The following NR2C2 variants were observed in gnomAD, a reference collection of about 807,000 sequenced individuals.
NR2C2 encodes nuclear receptor subfamily 2 group C member 2, also known as Nuclear hormone receptor TR4.
A neutral mutation model predicts 62.9 loss-of-function variants in NR2C2; 6 were observed. That is an observed-to-expected ratio of 0.10 (90% CI 0.05 to 0.19). The LOEUF is 0.19. NR2C2 is among the 10% of genes least tolerant of loss of function. The pLI is 1.00. For synonymous variants in NR2C2, 272 were observed against 273.8 expected, an observed-to-expected ratio of 0.99 and a Z score of 0.07; for missense variants, 479 against 762.7, an observed-to-expected ratio of 0.63 and a Z score of 4.38.
chr3:15,019,982 G>C (rs185378358), intron 4 of NR2C2, among the ~76,000 whole-genome samples: 2 of 152,160 alleles, frequency 1.3e-5, no homozygotes, highest in African/African-American at 4.8e-5. Context: ...ATTATACAAC[G>C]TGGATATATT....
chr3:15,017,621 G>A (rs1394675740), intron 4 of NR2C2, among the ~76,000 whole-genome samples: 2 of 152,196 alleles, frequency 1.3e-5, no homozygotes, highest in East Asian at 3.8e-4. Flanking sequence ...CTAGTCACAG[G>A]CTCTTGGTGC....
chr3:14,952,593 A>T (rs933814529), intron 1 of NR2C2, among the ~76,000 whole-genome samples: 1 of 152,176 alleles, frequency 6.6e-6, no homozygotes, highest in Non-Finnish European at 1.5e-5. Flanking sequence ...ATTGCTAATT[A>T]TGAGGGCCTT....
chr3:15,042,274 A>C (rs2042297400), intron 13 of NR2C2, among the ~76,000 whole-genome samples: 4 of 152,202 alleles, frequency 2.6e-5, no homozygotes, highest in African/African-American at 9.7e-5. Context: ...TTTATTTATA[A>C]TGCTAAATGA....
intron 10 of NR2C2, 63 bp downstream of exon 10, chr3:15,032,563 C>G (rs2042007283): frequency 6.3e-7 from 1 of 1,599,170 alleles, no homozygotes; most frequent in Non-Finnish European, 8.6e-7. Context: ...TAGGAATGAC[C>G]TGGAAGAACT....
chr3:14,957,470 G>A (rs1267148027), intron 1 of NR2C2, among the ~76,000 whole-genome samples: 1 of 152,172 alleles, frequency 6.6e-6, no homozygotes, highest in African/African-American at 2.4e-5. Flanking sequence ...CTGCTTCTTT[G>A]TTGTTGGTGG....
intron 1 of NR2C2, among the ~76,000 whole-genome samples, chr3:14,989,766 C>T (rs1191802939): frequency 6.6e-6 from 1 of 151,534 alleles, no homozygotes; most frequent in Non-Finnish European, 1.5e-5. Flanking sequence ...AACCCCATCT[C>T]TACTAAAAAT....
rs1401859348 is a variant in NR2C2, at chr3:15,046,068, A to C, written c.*3060A>C. The C allele has an allele frequency of 2.0e-5, 3 of 152,214 alleles. No individual in the cohort carries two copies. Among genetic ancestry groups the C allele is most frequent in the African/African-American group, 7.2e-5 (3 of 41,464 alleles). 9.4% of individuals were successfully genotyped at this position (152,214 alleles called of 1,614,324 possible). On this transcript the variant is annotated 3_prime_UTR_variant, in exon 14 of 14. Transcript: ENST00000425241. ...ATTAGTTGAGCAAGTAATACTTTTC[A>C]AGTTACTCCTGGAAGGTGTTTTTAA...
chr3:15,028,096 G>A (rs1320991989), intron 7 of NR2C2, among the ~76,000 whole-genome samples: 2 of 152,108 alleles, frequency 1.3e-5, no homozygotes, highest in African/African-American at 4.8e-5. Flanking sequence ...CTGACCTCAG[G>A]TGATCCACCT....
At chr3:14,957,626 G>A (rs1216067306) in intron 1 of NR2C2, among the ~76,000 whole-genome samples, 1 of 152,100 alleles carries the variant, frequency 6.6e-6, no homozygotes, top group Admixed American at 6.5e-5. Flanking sequence ...ATGTTGCCCA[G>A]GCTGGATATG....
At position 15,010,353 on chromosome 3, in the gene NR2C2, T is replaced by TA. The variant is rs57560170; in HGVS notation, c.73-3224dup. On this transcript the variant is annotated intron_variant, in intron 2 of 13. Coordinates refer to ENST00000425241, the MANE Select transcript of NR2C2 (RefSeq NM_001291694.2). ...TACGGATGTCTTAGGAGGGTGAAGA[T>TA]AAAAAAAAAAAACCCAAAATTATAA... 3.6e-3 allele frequency among the ~76,000 whole-genome samples: 500 copies of TA among 140,604 alleles called. 2 individuals are homozygous for TA. The highest frequency in any genetic ancestry group is 0.03 in the East Asian group (145 of 4,872). 92.2% of individuals were successfully genotyped at this position (140,604 alleles called of 152,430 possible).
intron 4 of NR2C2, among the ~76,000 whole-genome samples, chr3:15,018,103 A>G (rs551042507): frequency 2.0e-5 from 3 of 152,236 alleles, no homozygotes; most frequent in African/African-American, 7.2e-5. Flanking sequence ...GATTCAAGCA[A>G]TTCTCTTGCC....
At chr3:15,020,012 CAT>C (rs1451345908) in intron 4 of NR2C2, among the ~76,000 whole-genome samples, 1 of 152,116 alleles carries the variant, frequency 6.6e-6, no homozygotes, top group African/African-American at 2.4e-5. Flanking sequence ...AATTATGCCT[CAT>C]AAATATGGAC....
intron 2 of NR2C2, among the ~76,000 whole-genome samples, chr3:15,007,080 A>AATCTC (rs940283121): frequency 4.0e-5 from 6 of 150,484 alleles, no homozygotes; most frequent in African/African-American, 1.5e-4. Context: ...ACCCAGCCCA[A>AATCTC]ATCTCATCTT....
chr3:14,987,813 C>T (rs559615860), intron 1 of NR2C2, among the ~76,000 whole-genome samples: 3 of 152,304 alleles, frequency 2.0e-5, no homozygotes, highest in African/African-American at 2.4e-5. Context: ...ATCTTTTGCT[C>T]TTTTCTCACG....
rs977741004 is a variant in NR2C2 at position 14,975,491 on chromosome 3, A to G, written c.-40+27585A>G. Among the ~76,000 whole-genome samples the G allele has an allele frequency of 2.0e-5, 3 of 151,986 alleles. 1 individual carries two copies. The highest frequency in any genetic ancestry group is 4.2e-4 in the South Asian group (2 of 4,818). On this transcript the variant is annotated intron_variant, in intron 1 of 13. Transcript: ENST00000425241. Reference sequence around the variant, plus strand: ...GAGGATGATGTGTTTTTTTCCGTTCATTCTTTTAATGAGAGGTACGTTACA... The same window carrying G: ...GAGGATGATGTGTTTTTTTCCGTTCGTTCTTTTAATGAGAGGTACGTTACA...
chr3:15,041,568 C>T (rs1233793772), intron 13 of NR2C2, among the ~76,000 whole-genome samples: 1 of 152,126 alleles, frequency 6.6e-6, no homozygotes, highest in Non-Finnish European at 1.5e-5. Flanking sequence ...AAGCACTATC[C>T]AGGGGCAGGG....
intron 1 of NR2C2, among the ~76,000 whole-genome samples, chr3:14,966,205 G>A (rs2039850734): frequency 6.6e-6 from 1 of 152,178 alleles, no homozygotes; most frequent in Non-Finnish European, 1.5e-5. Flanking sequence ...AGATAATGAA[G>A]GAGCATACCA....
At chr3:14,986,561 C>T (rs1157755653) in intron 1 of NR2C2, among the ~76,000 whole-genome samples, 3 of 152,194 alleles carry the variant, frequency 2.0e-5, no homozygotes, top group South Asian at 2.1e-4. Context: ...TGATTTCTTA[C>T]GGTATGTCTT....
intron 10 of NR2C2, among the ~76,000 whole-genome samples, chr3:15,034,000 TG>T (rs1370719702): frequency 6.6e-6 from 1 of 152,236 alleles, no homozygotes; most frequent in Non-Finnish European, 1.5e-5. Flanking sequence ...TTAAGGCAAC[TG>T]GAAGAAACAG....
Sources: allele counts gnomAD v4.1 joint callset (sites outside exome capture counted in the v4.1 genomes callset), GRCh38; gene constraint gnomAD v4.1.1; transcripts MANE v1.5; gene names NCBI Gene and HGNC (gene_info 2026-07-23, HGNC 2026-07-21).